Variants in ENAH observed in about 807,000 individuals in gnomAD.
ENAH encodes protein enabled homolog.
In ENAH, 23 loss-of-function variants were observed where a neutral mutation model predicts 78.7. The ratio of observed to expected loss-of-function variants is 0.29; its 90% CI spans 0.21 to 0.41. The LOEUF is 0.41. Ranked by LOEUF, ENAH falls within the 10% of genes least tolerant of loss-of-function variation. The pLI is 1.00. For synonymous variants in ENAH, 226 were observed against 241.0 expected, an observed-to-expected ratio of 0.94 and a Z score of 0.58; for missense variants, 544 against 691.0, an observed-to-expected ratio of 0.79 and a Z score of 2.39.
chr1:225,567,248 C>T lies in ENAH; in HGVS notation c.171+1G>A. 6.2e-7 allele frequency: 1 copy of T among 1,613,146 alleles called. No individual in the cohort carries two copies. On this transcript the variant is annotated splice_donor_variant, in intron 2 of 13. Coordinates refer to ENST00000366843, the MANE Select transcript of ENAH (RefSeq NM_018212.6). LOFTEE classifies it high-confidence loss of function. ...TAACAACAATTGTAGTAAAGCCTTA[C>T]CTGATGGTCCTGAATCTTCCTGCCC...
chr1:225,580,689 G>T (rs2096811820), intron 1 of ENAH, among the ~76,000 whole-genome samples: 1 of 151,984 alleles, frequency 6.6e-6, no homozygotes, highest in Non-Finnish European at 1.5e-5. Context: ...AGGCCAAGGT[G>T]GGTGGATCAT....
intron 4 of ENAH, among the ~76,000 whole-genome samples, chr1:225,522,913 ACTT>A (rs2096481241): frequency 2.0e-5 from 3 of 152,224 alleles, no homozygotes; most frequent in East Asian, 3.9e-4. Flanking sequence ...AGCATTTGTT[ACTT>A]CTTCTATTTT....
chr1:225,652,343 C>G (rs1306721491), intron 1 of ENAH: 1 of 985,276 alleles, frequency 1.0e-6, no homozygotes, highest in Non-Finnish European at 1.2e-6. Context: ...ACGCACGCTT[C>G]GATTCTCGAA....
chr1:225,577,171 AAAAT>A (rs1390338285), intron 1 of ENAH, among the ~76,000 whole-genome samples: 1 of 152,218 alleles, frequency 6.6e-6, no homozygotes, highest in Non-Finnish European at 1.5e-5. Flanking sequence ...AAATAAATGA[AAAAT>A]AAATATTTAA....
intron 1 of ENAH, among the ~76,000 whole-genome samples, chr1:225,591,109 T>C (rs1431381400): frequency 2.0e-5 from 3 of 152,242 alleles, no homozygotes; most frequent in Non-Finnish European, 4.4e-5. Context: ...TTGCTAAGCA[T>C]ATTTTGTGTT....
chr1:225,628,161 A>G (rs1263677127), intron 1 of ENAH, among the ~76,000 whole-genome samples: 3 of 152,224 alleles, frequency 2.0e-5, no homozygotes, highest in Non-Finnish European at 4.4e-5. Context: ...TTCTTCTTAG[A>G]TTTAAAGGTC....
rs116430323 is a variant in ENAH, at chr1:225,559,248, T to C, written c.172-4165A>G. Among the ~76,000 whole-genome samples the C allele has an allele frequency of 6.7e-3, 1,013 of 152,306 alleles. 7 individuals are homozygous for C. Among genetic ancestry groups the C allele is most frequent in the African/African-American group, 0.023 (942 of 41,568 alleles). ...TAACACCTACACCTATGGGATTCTC[T>C]ATTATCTTATTTCTAGATTAATTCT... is the stretch of plus-strand genomic sequence containing the variant. On this transcript the variant is annotated intron_variant, in intron 2 of 13. Transcript: ENST00000366843.
intron 2 of ENAH, among the ~76,000 whole-genome samples, chr1:225,559,581 A>C (rs1462940057): frequency 6.6e-6 from 1 of 152,192 alleles, no homozygotes; most frequent in Non-Finnish European, 1.5e-5. Flanking sequence ...GGCAGCGCAG[A>C]AGCAAGCTAT....
chr1:225,512,056 C>G (rs1311854277), intron 9 of ENAH, among the ~76,000 whole-genome samples, 197 bp from the exon 10 acceptor site: 3 of 152,210 alleles, frequency 2.0e-5, no homozygotes, highest in Admixed American at 2.0e-4. Flanking sequence ...CTCCCCACAG[C>G]TCCTTTCCTC....
chr1:225,607,556 C>T lies in ENAH; in HGVS notation c.6-40142G>A, dbSNP rs1205479501. Reference sequence around the variant, plus strand: ...AAACACCTGGTTGAAATTCTAGATACGGAGCCATTCATCGAAATCCCAGAT... The same window carrying T: ...AAACACCTGGTTGAAATTCTAGATATGGAGCCATTCATCGAAATCCCAGAT... On this transcript the variant is annotated intron_variant, in intron 1 of 13. Transcript: ENST00000366843. Among the ~76,000 whole-genome samples, 4 of 149,230 alleles carry T rather than the reference C, an allele frequency of 2.7e-5. No individual in the cohort carries two copies. The East Asian group carries it at 5.9e-4, about 22-fold the overall frequency.
At chr1:225,505,172 C>A in intron 11 of ENAH, 1 of 591,024 alleles carries the variant, frequency 1.7e-6, no homozygotes, top group Non-Finnish European at 2.8e-6. Flanking sequence ...GTCTATTAAC[C>A]TTAAAATAAC....
intron 2 of ENAH, among the ~76,000 whole-genome samples, chr1:225,558,727 A>T (rs1377261492): frequency 7.8e-6 from 1 of 127,912 alleles, no homozygotes; most frequent in Non-Finnish European, 1.5e-5. Flanking sequence ...TCCGCCTCCC[A>T]GGTTCACGCC....
intron 1 of ENAH, among the ~76,000 whole-genome samples, chr1:225,596,277 C>A (rs1007213150): frequency 6.6e-6 from 1 of 152,134 alleles, no homozygotes; most frequent in African/African-American, 2.4e-5. Context: ...TTAGTGATAA[C>A]CAGGAATTTA....
At chr1:225,544,773 A>C (rs1160607020) in intron 3 of ENAH, among the ~76,000 whole-genome samples, 1 of 152,226 alleles carries the variant, frequency 6.6e-6, no homozygotes, top group Non-Finnish European at 1.5e-5. Context: ...ATTTATTGTA[A>C]TTTAGTATGA....
intron 1 of ENAH, among the ~76,000 whole-genome samples, chr1:225,611,921 T>A (rs1215810898): frequency 6.6e-6 from 1 of 152,002 alleles, no homozygotes; most frequent in Non-Finnish European, 1.5e-5. Flanking sequence ...ACACAAAAAA[T>A]TTAAAAATAA....
intron 1 of ENAH, among the ~76,000 whole-genome samples, chr1:225,648,738 G>A (rs1457350287): frequency 1.4e-5 from 2 of 147,212 alleles, no homozygotes; most frequent in Non-Finnish European, 3.0e-5. Flanking sequence ...AAACAATCCT[G>A]TGAAATATAA....
chr1:225,621,492 CCGTTTTAG>C (rs1298115187), intron 1 of ENAH, among the ~76,000 whole-genome samples: 1 of 151,676 alleles, frequency 6.6e-6, no homozygotes, highest in Admixed American at 6.6e-5. Context: ...CGGGGTTTCA[CCGTTTTAG>C]CCGGGATGGT....
At chr1:225,510,402 G>A (rs2096367234) in intron 10 of ENAH, among the ~76,000 whole-genome samples, 1 of 152,138 alleles carries the variant, frequency 6.6e-6, no homozygotes, top group South Asian at 2.1e-4. Context: ...TAAAGGTTCT[G>A]TGAGCCCAAA....
At chr1:225,592,107 G>A (rs2096880019) in intron 1 of ENAH, among the ~76,000 whole-genome samples, 1 of 152,192 alleles carries the variant, frequency 6.6e-6, no homozygotes, top group South Asian at 2.1e-4. Flanking sequence ...ACTCAGCGAT[G>A]TTACTCATTA....
Sources: gnomAD v4.1 joint callset for allele counts (sites outside exome capture counted in the v4.1 genomes callset) on GRCh38, gnomAD v4.1.1 for gene constraint, MANE v1.5 for transcripts, NCBI Gene and HGNC (gene_info 2026-07-23, HGNC 2026-07-21) for gene names.